RNF41: variants seen among roughly 807,000 people sequenced by gnomAD.
The protein encoded by RNF41 is ring finger protein 41.
RNF41 carries 4 observed loss-of-function variants against 33.0 expected under a neutral mutation model. The observed-to-expected ratio is 0.12, with a 90% CI of 0.06 to 0.28. RNF41 has a LOEUF of 0.28. Among genes scored for constraint, RNF41 ranks in the 10% least tolerant of loss-of-function variants. The pLI, the probability that RNF41 is intolerant of heterozygous loss-of-function variation, is 1.00. For missense variants in RNF41, 228 were observed against 432.6 expected (o/e 0.53, Z 4.19); for synonymous variants, 164 against 153.2 (o/e 1.07, Z -0.52).
intron 4 of RNF41, 192 bp from the exon 5 acceptor site, chr12:56,208,490 T>A: frequency 2.1e-6 from 1 of 481,634 alleles, no homozygotes; most frequent in Non-Finnish European, 3.6e-6. Context: ...CCCTTTGCTG[T>A]CTATTTTCCT....
intron 1 of RNF41, among the ~76,000 whole-genome samples, chr12:56,218,961 C>T (rs1393164289): frequency 2.0e-5 from 3 of 150,562 alleles, no homozygotes; most frequent in African/African-American, 7.3e-5. Flanking sequence ...CTCGGCCTCC[C>T]AAAGTGCTGG....
intron 4 of RNF41, 78 bp from the exon 5 acceptor site, chr12:56,208,376 A>T: frequency 1.3e-6 from 2 of 1,499,436 alleles, no homozygotes. Context: ...TCTGTGGCAG[A>T]TAACTGCTAA....
chr12:56,206,675 A>C lies in RNF41; in HGVS notation c.726T>G (p.Ile242Met), dbSNP rs1452669999. Reference sequence around the variant, plus strand: ...GGGCATTTTCAATCAGCTCGTTGACAATAGAAGCAGGACAGCCACTCTCCA... The same window carrying C: ...GGGCATTTTCAATCAGCTCGTTGACCATAGAAGCAGGACAGCCACTCTCCA... ...SLVESGCPAS[I>M]VNELIENAHE... Residue 242 changes from isoleucine (I) to methionine (M), a missense_variant, in exon 7 of 7, where the codon ATT becomes ATG. Transcript: ENST00000345093. This position sits in a 1 kb window ranked among gnomAD's most constrained non-coding sequence, Gnocchi z 5.7. 6.2e-7 allele frequency: 1 copy of C among 1,614,008 alleles called. No homozygotes were observed. Among genetic ancestry groups the C allele is most frequent in the African/African-American group, 1.3e-5 (1 of 74,904 alleles).
intron 1 of RNF41, among the ~76,000 whole-genome samples, chr12:56,218,564 C>T (rs932544399): frequency 2.1e-5 from 3 of 141,512 alleles, no homozygotes; most frequent in African/African-American, 7.9e-5. Flanking sequence ...ACTGCGCCCA[C>T]CCCCAAATCT....
rs1307253703 is a variant in RNF41, at chr12:56,203,018, C to A, written c.*3429G>T. On this transcript the variant is annotated 3_prime_UTR_variant, in exon 7 of 7. Transcript: ENST00000345093. ...GACATGCTTATCAGTATTTTATAAA[C>A]ATACCTTGTGTGCATAGAAGCGCAG... The A allele has an allele frequency of 6.8e-6, 1 of 146,278 alleles. No individual in the cohort carries two copies. Among genetic ancestry groups the A allele is most frequent in the East Asian group, 2.1e-4 (1 of 4,758 alleles). 9.1% of individuals were successfully genotyped at this position (146,278 alleles called of 1,614,324 possible). A position where few individuals can be genotyped will look rare whatever the true frequency, so the allele number is the denominator to read the frequency against.
rs576811545 is a variant in RNF41, at chr12:56,210,533, G to A, written c.126C>T (p.Cys42=). Residue 42 remains cysteine (C), a synonymous_variant, in exon 4 of 7, where the codon TGC becomes TGT. Coordinates refer to ENST00000345093, the MANE Select transcript of RNF41 (RefSeq NM_005785.4). The part of the protein sequence containing the change: ...PHCEHAFCNA[C]ITQWFSQQQT... The stretch of plus-strand genomic sequence containing the variant: ...GTTGCTGAGAGAACCACTGGGTGAT[G>A]CAGGCGTTGCAGAAAGCATGTTCAC... 3.1e-6 allele frequency: 5 copies of A among 1,613,830 alleles called. No homozygotes were observed. In the African/African-American group the frequency reaches 5.3e-5, roughly 17 times the overall value.
At chr12:56,216,245 A>T (rs1868884303) in intron 2 of RNF41, among the ~76,000 whole-genome samples, 184 bp downstream of exon 2, 1 of 152,266 alleles carries the variant, frequency 6.6e-6, no homozygotes, top group South Asian at 2.1e-4. Context: ...ATTATTAACA[A>T]GTAAAAGTCA....
chr12:56,219,992 G>C (rs533881156), intron 1 of RNF41, among the ~76,000 whole-genome samples: 1 of 150,782 alleles, frequency 6.6e-6, no homozygotes, highest in East Asian at 2.0e-4. Flanking sequence ...ACTCCGGCCT[G>C]GGTGACAGAG....
At chr12:56,210,996 C>A (rs985135296) in intron 3 of RNF41, among the ~76,000 whole-genome samples, 1 of 152,144 alleles carries the variant, frequency 6.6e-6, no homozygotes, top group African/African-American at 2.4e-5. Context: ...ACCAGCCTGA[C>A]CGACATGGTG....
rs776381579 is a variant in RNF41, at chr12:56,214,086, G to C, written c.-23-16C>G. 44 of 1,369,976 alleles carry C rather than the reference G, an allele frequency of 3.2e-5. No homozygotes were observed. Among genetic ancestry groups the C allele is most frequent in the Non-Finnish European group, 4.1e-5 (39 of 958,042 alleles). 84.9% of individuals were successfully genotyped at this position (1,369,976 alleles called of 1,614,324 possible). ...AACCCAGGTCCTGAAAGGACAACAG[G>C]AAAAAGAGGCCAGTTCAGAAGAAGC... is the stretch of plus-strand genomic sequence containing the variant. On this transcript the variant is annotated splice_polypyrimidine_tract_variant and intron_variant, in intron 2 of 6. Coordinates refer to ENST00000345093, the MANE Select transcript of RNF41 (RefSeq NM_005785.4).
At position 56,221,866 on chromosome 12, in the gene RNF41, G is replaced by C. The variant is rs567027699; in HGVS notation, c.-315C>G. 1.3e-5 allele frequency: 2 copies of C among 152,508 alleles called. No individual in the cohort carries two copies. Among genetic ancestry groups the C allele is most frequent in the African/African-American group, 4.8e-5 (2 of 41,454 alleles). The allele number at this position is 152,508 out of a possible 1,614,324, so 9.4% of individuals were successfully genotyped here. ...CGGGTCCCAGCCTCTCCCGGGAAGGGAAGGGAAAGGGGAAGGAGGGGAAAG... is the reference window on the plus strand; with the variant it reads ...CGGGTCCCAGCCTCTCCCGGGAAGGCAAGGGAAAGGGGAAGGAGGGGAAAG... On this transcript the variant is annotated 5_prime_UTR_variant, in exon 1 of 7. Transcript: ENST00000345093.
At position 56,205,123 on chromosome 12, in the gene RNF41, C is replaced by T. The variant is rs1878787783; in HGVS notation, c.*1324G>A. 1 of 152,154 alleles carries T rather than the reference C, an allele frequency of 6.6e-6. No homozygotes were observed. Among genetic ancestry groups the T allele is most frequent in the Admixed American group, 6.5e-5 (1 of 15,274 alleles). The allele number at this position is 152,154 out of a possible 1,614,324, so 9.4% of individuals were successfully genotyped here. A position where few individuals can be genotyped will look rare whatever the true frequency, so the allele number is the denominator to read the frequency against. On this transcript the variant is annotated 3_prime_UTR_variant, in exon 7 of 7. Transcript: ENST00000345093. The stretch of plus-strand genomic sequence containing the variant: ...ACCCAGCTATACAGCTCCAAGGAAA[C>T]TTGGGGAAGGGGGAGTTGCCTTCAA...
rs1281473656 is a variant in RNF41, at chr12:56,208,522, GAC to G, written c.363-226_363-225del. ...TCCTTAAATTTCTTTCCCCAATCAA[GAC>G]ACAGTGTTTTATCTATTTTTTAAAT... On this transcript the variant is annotated intron_variant, in intron 4 of 6. Transcript: ENST00000345093. 3.9e-5 allele frequency: 16 copies of G among 413,454 alleles called. No homozygotes were observed. The East Asian group carries it at 4.4e-4, about 11-fold the overall frequency. 25.6% of individuals were successfully genotyped at this position (413,454 alleles called of 1,614,324 possible).
chr12:56,212,940 A>C (rs1868588998), intron 3 of RNF41: 2 of 1,194,002 alleles, frequency 1.7e-6, no homozygotes. Context: ...AGGATCCTGG[A>C]GGATGCTGTC....
At position 56,205,644 on chromosome 12, in the gene RNF41, T is replaced by C. The variant is rs927146294; in HGVS notation, c.*803A>G. 6.6e-6 allele frequency: 1 copy of C among 151,912 alleles called. No individual in the cohort carries two copies. The highest frequency in any genetic ancestry group is 2.4e-5 in the African/African-American group (1 of 41,022). The allele number at this position is 151,912 out of a possible 1,614,324, so 9.4% of individuals were successfully genotyped here. ...AAAGAAAATTATCAAAGTAACTAAC[T>C]ACAGTCACAGGGCTAGAGAGGGGTC... On this transcript the variant is annotated 3_prime_UTR_variant, in exon 7 of 7. Transcript: ENST00000345093.
chr12:56,208,083 C>T (rs1565940885), intron 5 of RNF41, 80 bp downstream of exon 5: 6 of 1,546,678 alleles, frequency 3.9e-6, no homozygotes, highest in Middle Eastern at 2.0e-4. Flanking sequence ...TCTGTGTGTT[C>T]ACAACTGGTT....
In RNF41 at chr12:56,219,191, A is replaced by AT. The variant is rs1234168106; in HGVS notation, c.-209+2568dup. ...AGGCTAATTTTTATTTTATTTATTT[A>AT]TTTATTTATTTTTTTTTTGAGACGG... On this transcript the variant is annotated intron_variant, in intron 1 of 6. Transcript: ENST00000345093. 1.9e-4 allele frequency among the ~76,000 whole-genome samples: 28 copies of AT among 143,630 alleles called. 1 individual carries two copies. Among genetic ancestry groups the AT allele is most frequent in the East Asian group, 6.1e-4 (3 of 4,904 alleles). The allele number at this position is 143,630 out of a possible 152,430, so 94.2% of individuals were successfully genotyped here. A position where few individuals can be genotyped will look rare whatever the true frequency, so the allele number is the denominator to read the frequency against.
intron 1 of RNF41, 61 bp downstream of exon 1, chr12:56,221,699 A>C (rs1472288977): frequency 1.3e-5 from 2 of 151,034 alleles, no homozygotes; most frequent in Admixed American, 6.6e-5. Flanking sequence ...CCCCTGGGAC[A>C]TCACCTCCTC....
intron 4 of RNF41, among the ~76,000 whole-genome samples, chr12:56,209,775 TG>T (rs1481997768): frequency 6.6e-6 from 1 of 152,188 alleles, no homozygotes; most frequent in Non-Finnish European, 1.5e-5. Context: ...GGCTAATTTT[TG>T]TATTTTTAGT....
Sources: gnomAD v4.1 joint callset for allele counts (sites outside exome capture counted in the v4.1 genomes callset) on GRCh38, gnomAD v4.1.1 for gene constraint, Gnocchi (gnomAD v3.1) non-coding constraint, MANE v1.5 for transcripts, NCBI Gene and HGNC (gene_info 2026-07-23, HGNC 2026-07-21) for gene names.